ADAMTS3: variants seen among roughly 807,000 people sequenced by gnomAD.
ADAMTS3 encodes ADAM metallopeptidase with thrombospondin type 1 motif 3.
Under a neutral mutation model 129.0 loss-of-function variants are expected in ADAMTS3, and 73 were observed. The ratio of observed to expected loss-of-function variants is 0.57; its 90% CI spans 0.47 to 0.69. The LOEUF (loss-of-function observed/expected upper bound fraction) is 0.69, where lower values mean the gene tolerates loss of function less well. Ranked by LOEUF, ADAMTS3 falls within the 30% of genes least tolerant of loss-of-function variation. ADAMTS3 has a pLI of 0.00. For synonymous variants in ADAMTS3, 477 were observed against 510.8 expected (o/e 0.93, Z 0.89); for missense variants, 1,457 against 1,514.5 (o/e 0.96, Z 0.63).
At chr4:72,397,249 G>A (rs1447134184) in intron 4 of ADAMTS3, among the ~76,000 whole-genome samples, 1 of 151,978 alleles carries the variant, frequency 6.6e-6, no homozygotes, top group African/African-American at 2.4e-5. Flanking sequence ...GGCATTAACC[G>A]TTCTTACCCG....
intron 3 of ADAMTS3, among the ~76,000 whole-genome samples, chr4:72,528,534 A>C (rs1720874672): frequency 6.6e-6 from 1 of 151,754 alleles, no homozygotes; most frequent in South Asian, 2.1e-4. Context: ...AAAAAAAAAA[A>C]AAAAACAGAT....
rs529761968 is a variant in ADAMTS3 at position 72,516,981 on chromosome 4, A to G, written c.504+31497T>C. ...TGATATTAGCTGTGAGTTTGCATAG[A>G]TAGCTCTTAATATTTTGAGATACAT... On this transcript the variant is annotated intron_variant, in intron 3 of 21. Transcript: ENST00000286657. Among the ~76,000 whole-genome samples, 91 of 152,286 alleles carry G rather than the reference A, an allele frequency of 6.0e-4. 1 individual carries two copies. Among genetic ancestry groups the G allele is most frequent in the African/African-American group, 2.0e-3 (85 of 41,542 alleles).
At chr4:72,372,698 T>G (rs569018569) in intron 4 of ADAMTS3, among the ~76,000 whole-genome samples, 74 of 152,084 alleles carry the variant, frequency 4.9e-4, no homozygotes, top group African/African-American at 1.7e-3. Flanking sequence ...TAAAAAAATA[T>G]AATTCACAGT....
At chr4:72,297,303 TG>T (rs1296932508) in intron 18 of ADAMTS3, among the ~76,000 whole-genome samples, 3 of 152,082 alleles carry the variant, frequency 2.0e-5, no homozygotes, top group Non-Finnish European at 4.4e-5. Context: ...AAGTAAATGT[TG>T]AGAGTACAGC....
At chr4:72,405,709 T>C (rs1406664718) in intron 4 of ADAMTS3, among the ~76,000 whole-genome samples, 1 of 152,114 alleles carries the variant, frequency 6.6e-6, no homozygotes, top group Non-Finnish European at 1.5e-5. Flanking sequence ...TTAGGATGCC[T>C]CTGGATGAGG....
At chr4:72,374,320 T>C (rs570441884) in intron 4 of ADAMTS3, among the ~76,000 whole-genome samples, 1 of 152,098 alleles carries the variant, frequency 6.6e-6, no homozygotes, top group Admixed American at 6.6e-5. Flanking sequence ...CAGAATACTC[T>C]GTTATTATCT....
chr4:72,546,896 T>C (rs1450196619), intron 3 of ADAMTS3, among the ~76,000 whole-genome samples: 2 of 152,160 alleles, frequency 1.3e-5, no homozygotes, highest in Admixed American at 6.5e-5. Flanking sequence ...CACCAGACTT[T>C]CATTTCAAAG....
intron 4 of ADAMTS3, among the ~76,000 whole-genome samples, chr4:72,383,283 T>C (rs1007147985): frequency 6.6e-6 from 1 of 152,110 alleles, no homozygotes; most frequent in Non-Finnish European, 1.5e-5. Context: ...CATTGGAGAA[T>C]GAACAAATGC....
At chr4:72,525,923 A>G (rs2109749438) in intron 3 of ADAMTS3, among the ~76,000 whole-genome samples, 1 of 152,290 alleles carries the variant, frequency 6.6e-6, no homozygotes, top group Non-Finnish European at 1.5e-5. Context: ...ATCCCCATGT[A>G]CCTGTGAATA....
intron 4 of ADAMTS3, among the ~76,000 whole-genome samples, chr4:72,412,726 A>C (rs1722212485): frequency 6.6e-6 from 1 of 152,040 alleles, no homozygotes; most frequent in Admixed American, 6.6e-5. Context: ...TTCAAGTTTT[A>C]AGGTAATTGA....
intron 4 of ADAMTS3, among the ~76,000 whole-genome samples, chr4:72,357,307 A>G (rs1282341202): frequency 6.6e-6 from 1 of 151,996 alleles, no homozygotes; most frequent in African/African-American, 2.4e-5. Context: ...CGCCCACCAT[A>G]ATACATGTAC....
chr4:72,312,454 A>T lies in ADAMTS3; in HGVS notation c.1758T>A (p.Gly586=), dbSNP rs930548738. 5 of 1,613,226 alleles carry T rather than the reference A, an allele frequency of 3.1e-6. No individual in the cohort carries two copies. The highest frequency in any genetic ancestry group is 3.4e-6 in the Non-Finnish European group (4 of 1,179,580). ...RQCNNPMPIN[G]GQDCPGVNFE... ...AATTAACACCAGGACAATCCTGACC[A>T]CCATTGATGGGCCTAAAGAAAAGAC... The change falls in exon 13 of 22, where the codon GGT becomes GGA. Residue 586 remains glycine, a synonymous_variant. Coordinates refer to ENST00000286657, the MANE Select transcript of ADAMTS3 (RefSeq NM_014243.3).
In ADAMTS3 at chr4:72,477,893, A is replaced by G. The variant is rs193279990; in HGVS notation, c.505-62922T>C. ...CGATCCCACCGAAATACAAACTACCATCAGAGAATACTACAAACACCTCTA... is the reference window on the plus strand; with the variant it reads ...CGATCCCACCGAAATACAAACTACCGTCAGAGAATACTACAAACACCTCTA... On this transcript the variant is annotated intron_variant, in intron 3 of 21. Coordinates refer to ENST00000286657, the MANE Select transcript of ADAMTS3 (RefSeq NM_014243.3). Among the ~76,000 whole-genome samples the G allele has an allele frequency of 6.5e-3, 996 of 152,328 alleles. 6 individuals are homozygous for G. Among genetic ancestry groups the G allele is most frequent in the African/African-American group, 0.023 (947 of 41,576 alleles).
rs754502492 is a variant in ADAMTS3, at chr4:72,548,836, C to T, written c.146G>A (p.Ser49Asn). 1 of 1,613,676 alleles carries T rather than the reference C, an allele frequency of 6.2e-7. No individual in the cohort carries two copies. Among genetic ancestry groups the T allele is most frequent in the Admixed American group, 1.7e-5 (1 of 59,976 alleles). Residue 49 changes from serine (S) to asparagine (N), a missense_variant, in exon 3 of 22, where the codon AGC becomes AAC. By Grantham distance (46) the Ser-to-Asn change is conservative. Transcript: ENST00000286657. Reference sequence around the variant, plus strand: ...GAGATAGCGTCCTTCTAGATTTGTGCTGACTGGAGTCACCAGCTCATACTC... The same window carrying T: ...GAGATAGCGTCCTTCTAGATTTGTGTTGACTGGAGTCACCAGCTCATACTC... ...YREYELVTPV[S>N]TNLEGRYLSH...
In ADAMTS3 at chr4:72,282,888, G is replaced by C. The variant is rs550380173; in HGVS notation, c.*248C>G. The C allele has an allele frequency of 8.7e-6, 3 of 346,584 alleles. No homozygotes were observed. The highest frequency in any genetic ancestry group is 6.3e-5 in the African/African-American group (3 of 47,660). The allele number at this position is 346,584 out of a possible 1,614,324, so 21.5% of individuals were successfully genotyped here. A position where few individuals can be genotyped will look rare whatever the true frequency, so the allele number is the denominator to read the frequency against. On this transcript the variant is annotated 3_prime_UTR_variant, in exon 22 of 22. Coordinates refer to ENST00000286657, the MANE Select transcript of ADAMTS3 (RefSeq NM_014243.3). ...TCAGAGAGCGACCAACACAATCTTA[G>C]CAACATATTTTTCTTTTGTAATAAT...
chr4:72,530,873 T>C (rs1721024310), intron 3 of ADAMTS3, among the ~76,000 whole-genome samples: 2 of 132,910 alleles, frequency 1.5e-5, no homozygotes, highest in East Asian at 4.0e-4. Context: ...ATATATATTA[T>C]ATATGCTCTT....
chr4:72,540,381 C>T (rs1085943), intron 3 of ADAMTS3, among the ~76,000 whole-genome samples: 7 of 152,122 alleles, frequency 4.6e-5, no homozygotes, highest in East Asian at 3.9e-4. Context: ...TGTTGTTAAT[C>T]GCATTCAGTT....
intron 4 of ADAMTS3, among the ~76,000 whole-genome samples, chr4:72,378,838 A>G (rs562039601): frequency 7.9e-5 from 12 of 152,270 alleles, no homozygotes; most frequent in African/African-American, 2.9e-4. Context: ...CACAAAGCTG[A>G]AATCAAGACG....
Position 72,339,692 on chromosome 4 carries a change from C to A in ADAMTS3, c.663G>T (p.Glu221Asp), listed in dbSNP as rs1263231261. ...GATCATCAAGGCCTTCCAGGTCCGA[C>A]TCTAATAAGAGACAAAAGGAACCAG... The part of the protein sequence containing the change: ...IDMSKDFHYR[E>D]SDLEGLDDLG... Residue 221 changes from glutamate (E) to aspartate (D), a missense_variant and splice_region_variant, in exon 5 of 22, where the codon GAG becomes GAT. Coordinates refer to ENST00000286657, the MANE Select transcript of ADAMTS3 (RefSeq NM_014243.3). 2 of 1,613,516 alleles carry A rather than the reference C, an allele frequency of 1.2e-6. No individual in the cohort carries two copies. The highest frequency in any genetic ancestry group is 2.7e-5 in the African/African-American group (2 of 74,992).
Sources: allele counts gnomAD v4.1 joint callset (sites outside exome capture counted in the v4.1 genomes callset), GRCh38; gene constraint gnomAD v4.1.1; transcripts MANE v1.5; gene names NCBI Gene and HGNC (gene_info 2026-07-23, HGNC 2026-07-21).